TRPM2: variants seen among roughly 807,000 people sequenced by gnomAD.
The protein encoded by TRPM2 is estrogen-responsive element-associated gene 1 protein.
Under a neutral mutation model 174.0 loss-of-function variants are expected in TRPM2, and 161 were observed. That is an observed-to-expected ratio of 0.93 (90% confidence interval 0.81 to 1.05). The LOEUF is 1.05. Among genes scored for constraint, TRPM2 ranks in the 50% least tolerant of loss-of-function variants. The pLI is 0.00. For missense variants in TRPM2, 2,057 were observed against 2,038.0 expected (o/e 1.01, Z -0.18); for synonymous variants, 954 against 861.3 (o/e 1.11, Z -1.88).
chr21:44,377,425 G>A (rs1014272778), intron 6 of TRPM2, among the ~76,000 whole-genome samples: 5 of 152,168 alleles, frequency 3.3e-5, no homozygotes, highest in Admixed American at 2.0e-4. Flanking sequence ...TGTGGGTGGC[G>A]GGGGGCTCTT....
At chr21:44,386,722 T>C (rs949033773) in intron 9 of TRPM2, among the ~76,000 whole-genome samples, 4 of 152,042 alleles carry the variant, frequency 2.6e-5, no homozygotes, top group Non-Finnish European at 4.4e-5. Flanking sequence ...AGTGATTTTT[T>C]TTTTTTTGCA....
upstream of TRPM2, among the ~76,000 whole-genome samples, chr21:44,352,824 C>CT: frequency 6.6e-6 from 1 of 152,308 alleles, no homozygotes; most frequent in Non-Finnish European, 1.5e-5. Context: ...GAATTATTGT[C>CT]TTTTTCCTGG....
At chr21:44,414,319 C>T (rs1049120210) in intron 20 of TRPM2, among the ~76,000 whole-genome samples, 5 of 152,224 alleles carry the variant, frequency 3.3e-5, no homozygotes, top group Non-Finnish European at 7.3e-5. Flanking sequence ...GCTGGGGACC[C>T]GCGGTGCTGT....
At chr21:44,437,333 T>C (rs548777951) in intron 29 of TRPM2, among the ~76,000 whole-genome samples, 166 bp downstream of exon 29, 1 of 152,158 alleles carries the variant, frequency 6.6e-6, no homozygotes, top group African/African-American at 2.4e-5. Context: ...AAGACACTCC[T>C]CCTCCCTTTT....
At chr21:44,409,540 T>C (rs1280532165) in intron 19 of TRPM2, among the ~76,000 whole-genome samples, 2 of 147,218 alleles carry the variant, frequency 1.4e-5, no homozygotes, top group African/African-American at 2.5e-5. Flanking sequence ...TAAGTTTTGA[T>C]CGTGCTGTCT....
intron 5 of TRPM2, among the ~76,000 whole-genome samples, chr21:44,371,229 A>G (rs112356658): frequency 9.1e-3 from 892 of 98,238 alleles, no homozygotes; most frequent in Middle Eastern, 0.058. Flanking sequence ...TCCGTGTCCC[A>G]TGGCCGCCTC....
rs2048001991 is a variant in TRPM2 at position 44,354,578 on chromosome 21, T to C, written c.166-70T>C. The C allele has an allele frequency of 2.2e-6, 3 of 1,379,702 alleles. No individual in the cohort carries two copies. The highest frequency in any genetic ancestry group is 1.7e-5 in the Admixed American group (1 of 59,498). The allele number at this position is 1,379,702 out of a possible 1,614,324, so 85.5% of individuals were successfully genotyped here. A position where few individuals can be genotyped will look rare whatever the true frequency, so the allele number is the denominator to read the frequency against. Reference sequence around the variant, plus strand: ...GTGAAAGCTCCTCAAGGAGCTCAGATGTGTCTCCAGGGGGCTGGGTGTGCT... The same window carrying C: ...GTGAAAGCTCCTCAAGGAGCTCAGACGTGTCTCCAGGGGGCTGGGTGTGCT... On this transcript the variant is annotated intron_variant, in intron 1 of 31. Coordinates refer to ENST00000397928, the MANE Select transcript of TRPM2 (RefSeq NM_003307.4). This position sits in a 1 kb window ranked among gnomAD's most constrained non-coding sequence, Gnocchi z 4.3.
intron 20 of TRPM2, among the ~76,000 whole-genome samples, chr21:44,417,627 GCT>G (rs2146343821): frequency 7.8e-6 from 1 of 127,394 alleles, no homozygotes; most frequent in Admixed American, 7.7e-5. Flanking sequence ...CGTGGGCGTG[GCT>G]CTGCTCTCTG....
At position 44,400,373 on chromosome 21, in the gene TRPM2, T is replaced by C; in HGVS notation, c.2321+2T>C. 1 of 1,609,698 alleles carries C rather than the reference T, an allele frequency of 6.2e-7. No individual in the cohort carries two copies. The highest frequency in any genetic ancestry group is 8.5e-7 in the Non-Finnish European group (1 of 1,178,970). ...CCTCACCGGCCTCATCTCCTTCAGG[T>C]GCTGCAGGGCTGCGGGGCTGCGGGA... On this transcript the variant is annotated splice_donor_variant, in intron 15 of 31. Transcript: ENST00000397928. LOFTEE classifies it high-confidence loss of function.
At chr21:44,419,826 GGTGATGGTGGTGATGGT>G (rs2050476471) in intron 22 of TRPM2, among the ~76,000 whole-genome samples, 1 of 151,480 alleles carries the variant, frequency 6.6e-6, no homozygotes, top group African/African-American at 2.4e-5. Flanking sequence ...TGGTGGTGGT[GGTGATGGTGGTGATGGT>G]GCTTCTGATG....
chr21:44,381,392 G>A (rs1324347064), intron 8 of TRPM2, among the ~76,000 whole-genome samples: 2 of 151,790 alleles, frequency 1.3e-5, no homozygotes, highest in Admixed American at 6.6e-5. Context: ...TGGATGGATG[G>A]ATGGATGGAT....
chr21:44,358,741 C>T (rs2048125820), intron 2 of TRPM2, among the ~76,000 whole-genome samples: 1 of 152,158 alleles, frequency 6.6e-6, no homozygotes, highest in African/African-American at 2.4e-5. Context: ...TCCCCACCTC[C>T]GACCCAGGTC....
chr21:44,351,342 T>C (rs1260080378), upstream of TRPM2, among the ~76,000 whole-genome samples: 1 of 152,184 alleles, frequency 6.6e-6, no homozygotes, highest in Non-Finnish European at 1.5e-5. Flanking sequence ...GGGTAGGGAA[T>C]GCTGCCCCAA....
chr21:44,388,931 T>C (rs947706989), intron 9 of TRPM2, among the ~76,000 whole-genome samples: 25 of 152,202 alleles, frequency 1.6e-4, no homozygotes, highest in Non-Finnish European at 2.5e-4. Context: ...TTTTAAAATA[T>C]CAACTTTATG....
chr21:44,366,850 A>AC lies in TRPM2; in HGVS notation c.522dup (p.Gly175ArgfsTer94), dbSNP rs2048377762. ...CGTCCCCAATCTCTTGATCTCGGTG[A>AC]CCGGGGGGGCCAAGAACTTCAACAT... On this transcript the variant is annotated frameshift_variant, in exon 4 of 32. Coordinates refer to ENST00000397928, the MANE Select transcript of TRPM2 (RefSeq NM_003307.4). LOFTEE classifies it high-confidence loss of function. This position sits in a 1 kb window ranked among gnomAD's most constrained non-coding sequence, Gnocchi z 6.0. 4 of 1,612,938 alleles carry AC rather than the reference A, an allele frequency of 2.5e-6. No homozygotes were observed. Among genetic ancestry groups the AC allele is most frequent in the Admixed American group, 1.7e-5 (1 of 59,890 alleles).
chr21:44,421,909 C>T (rs540426886), intron 22 of TRPM2, among the ~76,000 whole-genome samples: 1 of 152,224 alleles, frequency 6.6e-6, no homozygotes, highest in African/African-American at 2.4e-5. Flanking sequence ...AGGGTGAGAC[C>T]CTGACTCTAA....
chr21:44,403,848 G>A (rs540682769), intron 16 of TRPM2, among the ~76,000 whole-genome samples: 14 of 148,344 alleles, frequency 9.4e-5, no homozygotes, highest in East Asian at 8.1e-4. Flanking sequence ...CACATTACAC[G>A]TGTGCATACA....
rs148962827 is a variant in TRPM2, at chr21:44,441,475, C to T, written c.4387-217C>T. On this transcript the variant is annotated intron_variant, in intron 31 of 31. Transcript: ENST00000397928. ...CTTTAAATGCGGGCTAAATAGCTCCCGGCAAAGCTGCACCTGCATCTTCTT... is the reference window on the plus strand; with the variant it reads ...CTTTAAATGCGGGCTAAATAGCTCCTGGCAAAGCTGCACCTGCATCTTCTT... Among the ~76,000 whole-genome samples the T allele has an allele frequency of 5.1e-3, 776 of 152,332 alleles. 5 individuals are homozygous for T. The highest frequency in any genetic ancestry group is 6.8e-3 in the Middle Eastern group (2 of 294).
In TRPM2 at chr21:44,379,002, C is replaced by G. The variant is rs45516594; in HGVS notation, c.1020C>G (p.Ile340Met). Residue 340 changes from isoleucine to methionine, a missense_variant, in exon 8 of 32, where the codon ATC (isoleucine) becomes ATG (methionine). By Grantham distance (10) the Ile-to-Met change is conservative. Transcript: ENST00000397928. ...LEGGPGTLHT[I>M]DNATTNGTPC... is the part of the protein sequence containing the mutation. ...CACCCCCACCTGCCTTGCAGACCAT[C>G]GACAACGCCACCACCAACGGCACCC... 6.2e-7 allele frequency: 1 copy of G among 1,604,848 alleles called. No individual in the cohort carries two copies. The highest frequency in any genetic ancestry group is 2.2e-5 in the East Asian group (1 of 44,860).
Sources: gnomAD v4.1 joint callset for allele counts (sites outside exome capture counted in the v4.1 genomes callset) on GRCh38, gnomAD v4.1.1 for gene constraint, Gnocchi (gnomAD v3.1) non-coding constraint, MANE v1.5 for transcripts, NCBI Gene and HGNC (gene_info 2026-07-23, HGNC 2026-07-21) for gene names.